Variants in DMD observed in about 807,000 individuals in gnomAD.
DMD encodes the protein mutant dystrophin.
A neutral mutation model predicts 330.1 loss-of-function variants in DMD; 63 were observed. That is an observed-to-expected ratio of 0.19 (90% CI 0.16 to 0.24). The LOEUF (loss-of-function observed/expected upper bound fraction) is 0.24. Ranked by LOEUF, DMD falls within the 10% of genes least tolerant of loss-of-function variation. DMD has a pLI of 1.00. For missense variants in DMD, 3,344 were observed against 2,684.1 expected (o/e 1.25, Z -5.43); for synonymous variants, 1,223 against 959.8 (o/e 1.27, Z -5.07).
Position 32,065,254 on chromosome X carries a change from C to T in DMD, c.6439-96740G>A, listed in dbSNP as rs781391080. Among the ~76,000 whole-genome samples, 82 of 111,248 alleles carry T rather than the reference C, an allele frequency of 7.4e-4. 1 individual carries two copies. Among genetic ancestry groups the T allele is most frequent in the Admixed American group, 2.0e-3 (21 of 10,434 alleles). ...AAAAAGACTAATGCAAGTTCTTTGC[C>T]GTCCAAAGTTTTGTTTCTCCTTGTC... is the stretch of plus-strand genomic sequence containing the variant. On this transcript the variant is annotated intron_variant, in intron 44 of 78. Transcript: ENST00000357033.
chrX:32,792,263 G>A (rs747995229), intron 7 of DMD, among the ~76,000 whole-genome samples: 32 of 110,952 alleles, frequency 2.9e-4, no homozygotes, highest in Non-Finnish European at 4.5e-4. Flanking sequence ...GGAAGTGAAA[G>A]AATGACAACT....
At chrX:32,597,763 C>A (rs1207855529) in intron 12 of DMD, among the ~76,000 whole-genome samples, 1 of 111,862 alleles carries the variant, frequency 8.9e-6, no homozygotes, top group East Asian at 2.8e-4. Flanking sequence ...GGAGGCTGCT[C>A]TAGAACCAAG....
chrX:32,115,844 C>T (rs183661641), intron 44 of DMD, among the ~76,000 whole-genome samples: 4,114 of 111,393 alleles, frequency 0.037, 88 homozygotes, highest in Non-Finnish European at 0.058. Context: ...ACCACTCCAC[C>T]CTAGTCTGAA....
At chrX:32,516,677 A>T (rs1307928854) in intron 18 of DMD, 1 of 111,785 alleles carries the variant, frequency 8.9e-6, no homozygotes, top group East Asian at 2.8e-4. Context: ...TCAAATATGT[A>T]ACATGATGTT....
At chrX:31,303,255 G>A (rs2054787834) in intron 62 of DMD, among the ~76,000 whole-genome samples, 1 of 111,487 alleles carries the variant, frequency 9.0e-6, no homozygotes. Flanking sequence ...TCAGTTACTA[G>A]CTATATACAA....
At chrX:32,997,594 A>G (rs1203659879) in intron 2 of DMD, among the ~76,000 whole-genome samples, 1 of 111,982 alleles carries the variant, frequency 8.9e-6, no homozygotes, top group African/African-American at 3.2e-5. Context: ...CTCTATGTTC[A>G]TGAAAATATG....
intron 7 of DMD, among the ~76,000 whole-genome samples, chrX:32,717,260 T>C (rs1306390346): frequency 9.0e-6 from 1 of 111,141 alleles, no homozygotes; most frequent in African/African-American, 3.3e-5. Context: ...GGAAAAATGA[T>C]TTCGGAGGCC....
intron 16 of DMD, among the ~76,000 whole-genome samples, chrX:32,556,083 C>A (rs1382230206): frequency 3.6e-5 from 4 of 111,682 alleles, no homozygotes; most frequent in Admixed American, 9.5e-5. Context: ...TGACAATGGT[C>A]CAGAGTCTAC....
chrX:32,144,747 C>T (rs1402976194), intron 44 of DMD, among the ~76,000 whole-genome samples: 1 of 111,766 alleles, frequency 8.9e-6, no homozygotes, highest in African/African-American at 3.3e-5. Flanking sequence ...AAATAAAATT[C>T]ACGGGCTGGG....
intron 2 of DMD, among the ~76,000 whole-genome samples, chrX:32,860,514 T>G (rs2081995672): frequency 9.0e-6 from 1 of 111,536 alleles, no homozygotes; most frequent in African/African-American, 3.3e-5. Context: ...TGAAGAACGC[T>G]GCTGACCAGC....
chrX:31,434,409 A>AGCGCGCGCGCGC (rs1235059344), intron 60 of DMD, among the ~76,000 whole-genome samples: 2 of 61,314 alleles, frequency 3.3e-5, no homozygotes, highest in African/African-American at 1.6e-4. Context: ...CCCTTACTGC[A>AGCGCGCGCGCGC]GCGCGCGCGC....
chrX:32,963,536 T>C (rs1390637964), intron 2 of DMD, among the ~76,000 whole-genome samples: 1 of 112,347 alleles, frequency 8.9e-6, no homozygotes, highest in Non-Finnish European at 1.9e-5. Context: ...ATTTTGAGTG[T>C]GCTAACCACA....
intron 27 of DMD, among the ~76,000 whole-genome samples, chrX:32,446,899 G>C (rs2098307439): frequency 9.1e-6 from 1 of 110,274 alleles, no homozygotes; most frequent in Admixed American, 9.6e-5. Context: ...AATATGAATA[G>C]GGAATGTTAG....
At chrX:33,261,638 AC>A (rs2052957880) in intron 1 of DMD, among the ~76,000 whole-genome samples, 1 of 107,142 alleles carries the variant, frequency 9.3e-6, no homozygotes, top group African/African-American at 3.4e-5. Context: ...ACACACACAC[AC>A]ACACACACAC....
intron 2 of DMD, among the ~76,000 whole-genome samples, chrX:32,883,506 T>C (rs2084164622): frequency 9.0e-6 from 1 of 111,219 alleles, no homozygotes; most frequent in Non-Finnish European, 1.9e-5. Context: ...TACCAGCTTT[T>C]CACAAATTAA....
chrX:33,201,246 T>C (rs2051253321), intron 1 of DMD, among the ~76,000 whole-genome samples: 1 of 111,547 alleles, frequency 9.0e-6, no homozygotes, highest in African/African-American at 3.3e-5. Flanking sequence ...CCAATAGGCT[T>C]TTAATTTGAA....
intron 60 of DMD, among the ~76,000 whole-genome samples, chrX:31,411,872 G>T (rs748672165): frequency 3.2e-4 from 35 of 110,191 alleles, no homozygotes; most frequent in African/African-American, 1.1e-3. Flanking sequence ...GACCTCAAGT[G>T]ATCCCCCTGC....
At chrX:32,791,107 C>T (rs2075786484) in intron 7 of DMD, among the ~76,000 whole-genome samples, 1 of 111,675 alleles carries the variant, frequency 9.0e-6, no homozygotes, top group Non-Finnish European at 1.9e-5. Context: ...TCCACTACCA[C>T]CAAAGCTGGC....
intron 4 of DMD, among the ~76,000 whole-genome samples, chrX:32,827,065 C>A (rs56342103): frequency 0.048 from 3,288 of 69,022 alleles, 148 homozygotes; most frequent in South Asian, 0.1. Flanking sequence ...CACCCCCCCC[C>A]CACACACACA....
Sources: gnomAD v4.1 joint callset for allele counts (sites outside exome capture counted in the v4.1 genomes callset) on GRCh38, gnomAD v4.1.1 for gene constraint, MANE v1.5 for transcripts, NCBI Gene and HGNC (gene_info 2026-07-23, HGNC 2026-07-21) for gene names.